PDZD9: variants seen among roughly 807,000 people sequenced by gnomAD.
The protein encoded by PDZD9 is PDZ domain containing 9.
PDZD9 carries 13 observed loss-of-function variants against 16.3 expected under a neutral mutation model. That is an observed-to-expected ratio of 0.80 (90% CI 0.52 to 1.27). The LOEUF (loss-of-function observed/expected upper bound fraction) is 1.27, where lower values mean the gene tolerates loss of function less well. Ranked by LOEUF, PDZD9 falls within the 50% of genes most tolerant of loss-of-function variation. The pLI, the probability that PDZD9 is intolerant of heterozygous loss-of-function variation, is 0.00. For synonymous variants in PDZD9, 120 were observed against 111.0 expected, an observed-to-expected ratio of 1.08 and a Z score of -0.51; for missense variants, 288 against 310.9, an observed-to-expected ratio of 0.93 and a Z score of 0.55.
intron 3 of PDZD9, among the ~76,000 whole-genome samples, chr16:21,987,107 G>C (rs1006580544): frequency 5.9e-5 from 9 of 152,118 alleles, no homozygotes; most frequent in African/African-American, 1.9e-4. Flanking sequence ...GAACATGCCA[G>C]GATCAGATTT....
At chr16:21,975,951 G>A in the PDZD9 span, among the ~76,000 whole-genome samples, 2 of 152,176 alleles carry the variant, frequency 1.3e-5, no homozygotes, top group Non-Finnish European at 2.9e-5. Flanking sequence ...CCAGCTTCTT[G>A]GGAGGCTGGG....
At chr16:21,966,506 A>AG in the PDZD9 span, among the ~76,000 whole-genome samples, 1 of 152,224 alleles carries the variant, frequency 6.6e-6, no homozygotes, top group East Asian at 1.9e-4. Context: ...AAAAATTTGT[A>AG]ATTATCAACA....
intron 3 of PDZD9, among the ~76,000 whole-genome samples, chr16:21,985,703 T>C (rs995060505): frequency 6.6e-6 from 1 of 152,190 alleles, no homozygotes; most frequent in Non-Finnish European, 1.5e-5. Context: ...TAAAAGGAAA[T>C]AGGTTTCTTC....
chr16:21,999,866 G>A (rs550252690), intron 1 of PDZD9, among the ~76,000 whole-genome samples: 10 of 152,152 alleles, frequency 6.6e-5, no homozygotes, highest in African/African-American at 2.2e-4. Context: ...GTGAAACACC[G>A]TTGCTACTGA....
At chr16:21,970,480 C>T in the PDZD9 span, among the ~76,000 whole-genome samples, 1 of 152,178 alleles carries the variant, frequency 6.6e-6, no homozygotes, top group Non-Finnish European at 1.5e-5. Flanking sequence ...TTATGAACAA[C>T]CTACTGGGTG....
chr16:21,982,135 C>T (rs1898746431), downstream of PDZD9, among the ~76,000 whole-genome samples: 1 of 152,066 alleles, frequency 6.6e-6, no homozygotes, highest in African/African-American at 2.4e-5. Context: ...TCAACGCGCC[C>T]AGCCCATTTG....
chr16:21,970,895 G>GA, the PDZD9 span, among the ~76,000 whole-genome samples: 1 of 152,096 alleles, frequency 6.6e-6, no homozygotes, highest in East Asian at 1.9e-4. Flanking sequence ...CAACTTTGGA[G>GA]AAATGTCTAT....
chr16:21,970,087 C>T, the PDZD9 span, among the ~76,000 whole-genome samples: 1 of 152,054 alleles, frequency 6.6e-6, no homozygotes, highest in East Asian at 1.9e-4. Flanking sequence ...TTGTAACTGG[C>T]TTTTCTTACT....
the PDZD9 span, chr16:21,963,103 C>A: frequency 5.0e-6 from 2 of 401,256 alleles, no homozygotes; most frequent in Non-Finnish European, 8.7e-6. Context: ...ATTCTCCTGC[C>A]TCAGCCTCCT....
chr16:21,971,603 A>G, the PDZD9 span: 3 of 1,614,106 alleles, frequency 1.9e-6, no homozygotes, highest in Non-Finnish European at 1.7e-6. Context: ...TCTGGTGCAA[A>G]GGCCAACTAC....
the PDZD9 span, chr16:21,972,096 G>A: frequency 6.2e-7 from 1 of 1,613,890 alleles, no homozygotes; most frequent in Non-Finnish European, 8.5e-7. Flanking sequence ...CCAGGCTGTT[G>A]CCAAGGCAAC....
the PDZD9 span, among the ~76,000 whole-genome samples, chr16:21,970,981 C>G: frequency 1.3e-5 from 2 of 151,856 alleles, no homozygotes; most frequent in South Asian, 4.1e-4. Context: ...TTTGGTTACT[C>G]AAGCTGTTAG....
At chr16:21,961,437 G>T in the PDZD9 span, 1 of 270,940 alleles carries the variant, frequency 3.7e-6, no homozygotes, top group Non-Finnish European at 7.8e-6. Context: ...AATAGAGTGT[G>T]AACAAGCAAG....
chr16:21,975,160 T>G, the PDZD9 span, among the ~76,000 whole-genome samples: 2 of 151,964 alleles, frequency 1.3e-5, no homozygotes, highest in South Asian at 2.1e-4. Flanking sequence ...AGTGGGCAGG[T>G]GAGAAGTATG....
intron 3 of PDZD9, among the ~76,000 whole-genome samples, chr16:21,985,581 A>G (rs1421899992): frequency 1.3e-5 from 2 of 152,024 alleles, no homozygotes; most frequent in Non-Finnish European, 2.9e-5. Context: ...GCTTGCTTTA[A>G]CTTTCCAGAA....
chr16:21,968,485 A>C, the PDZD9 span: 1 of 551,192 alleles, frequency 1.8e-6, no homozygotes, highest in African/African-American at 2.0e-5. Flanking sequence ...AGGGTAATTC[A>C]CCTCAGTTAG....
At chr16:21,995,015 G>T (rs1177347844) in intron 2 of PDZD9, among the ~76,000 whole-genome samples, 2 of 151,960 alleles carry the variant, frequency 1.3e-5, no homozygotes, top group African/African-American at 4.8e-5. Flanking sequence ...TTGTAGAAAT[G>T]GTGATATGGT....
At chr16:21,965,451 G>A in the PDZD9 span, 5 of 1,613,880 alleles carry the variant, frequency 3.1e-6, no homozygotes, top group Non-Finnish European at 4.2e-6. Context: ...GGAATGCCTT[G>A]GCTAATCCCT....
the PDZD9 span, chr16:21,962,706 C>T: frequency 6.2e-7 from 1 of 1,610,820 alleles, no homozygotes; most frequent in Non-Finnish European, 8.5e-7. Context: ...TGTAGAATCT[C>T]AAATGTTGGC....
Sources: allele counts gnomAD v4.1 joint callset (sites outside exome capture counted in the v4.1 genomes callset), GRCh38; gene constraint gnomAD v4.1.1; transcripts MANE v1.5; gene names NCBI Gene and HGNC (gene_info 2026-07-23, HGNC 2026-07-21).